The following MRE11 variants were observed in gnomAD, a reference collection of about 807,000 sequenced individuals.
MRE11 encodes the protein MRE11 double strand break repair nuclease.
MRE11 carries 62 observed loss-of-function variants against 91.7 expected under a neutral mutation model. The observed-to-expected ratio is 0.68, with a 90% CI of 0.55 to 0.84. The LOEUF (loss-of-function observed/expected upper bound fraction) is 0.84, where lower values mean the gene tolerates loss of function less well. Ranked by LOEUF, MRE11 falls within the 40% of genes least tolerant of loss-of-function variation. The probability of loss-of-function intolerance (pLI) is 0.00; values close to 1 mark genes in which losing one functional copy is unlikely to be tolerated. For missense variants in MRE11, 796 were observed against 852.9 expected (o/e 0.93, Z 0.83); for synonymous variants, 273 against 271.4 (o/e 1.01, Z -0.06).
At chr11:94,451,255 T>C (rs1036147730) in intron 14 of MRE11, among the ~76,000 whole-genome samples, 2 of 152,082 alleles carry the variant, frequency 1.3e-5, no homozygotes, top group Non-Finnish European at 2.9e-5. Flanking sequence ...CTAAATAATC[T>C]GGAAAATGAA....
intron 18 of MRE11, among the ~76,000 whole-genome samples, chr11:94,433,648 T>G (rs1414993119): frequency 6.6e-6 from 1 of 152,212 alleles, no homozygotes; most frequent in Non-Finnish European, 1.5e-5. Context: ...ACAAGATCTT[T>G]CACTTGGCTC....
chr11:94,497,990 A>G (rs1947440621), upstream of MRE11: 4 of 1,092,624 alleles, frequency 3.7e-6, no homozygotes, highest in East Asian at 9.8e-5. Context: ...ACTTAATTAA[A>G]TCTAACACCA....
Position 94,478,963 on chromosome 11 carries a change from C to T in MRE11, c.403-87G>A, listed in dbSNP as rs1042351289. 18 of 1,382,526 alleles carry T rather than the reference C, an allele frequency of 1.3e-5. No homozygotes were observed. The African/African-American group carries it at 2.0e-4, about 15-fold the overall frequency. The allele number at this position is 1,382,526 out of a possible 1,614,324, so 85.6% of individuals were successfully genotyped here. On this transcript the variant is annotated intron_variant, in intron 5 of 19. Transcript: ENST00000323929. ...TCGTATCACCTGTTAAAAGCATACT[C>T]CATATTCTACTTACAAAAACATAGA...
rs886048746 is a variant in MRE11, at chr11:94,417,805, A to G, written c.*2320T>C. 1.3e-5 allele frequency: 3 copies of G among 233,156 alleles called. No individual in the cohort carries two copies. Among genetic ancestry groups the G allele is most frequent in the Non-Finnish European group, 2.5e-5 (3 of 117,990 alleles). The allele number at this position is 233,156 out of a possible 1,614,324, so 14.4% of individuals were successfully genotyped here. A position where few individuals can be genotyped will look rare whatever the true frequency, so the allele number is the denominator to read the frequency against. Reference sequence around the variant, plus strand: ...GGAAAAAAGTCTTTTACATACCTGAATTAAAGGTCACATTCCTAAATGCTT... The same window carrying G: ...GGAAAAAAGTCTTTTACATACCTGAGTTAAAGGTCACATTCCTAAATGCTT... On this transcript the variant is annotated 3_prime_UTR_variant, in exon 20 of 20. Coordinates refer to ENST00000323929, the MANE Select transcript of MRE11 (RefSeq NM_005591.4).
intron 4 of MRE11, among the ~76,000 whole-genome samples, chr11:94,485,109 T>C (rs948970334): frequency 2.8e-4 from 42 of 149,700 alleles, no homozygotes; most frequent in Admixed American, 4.6e-4. Flanking sequence ...GCTACTCACC[T>C]GTAATCCCAA....
At chr11:94,493,038 G>T in intron 1 of MRE11, 132 bp from the exon 2 acceptor site, 1 of 560,080 alleles carries the variant, frequency 1.8e-6, no homozygotes, top group Non-Finnish European at 3.1e-6. Flanking sequence ...TTTCATCTAA[G>T]CACCCACTAT....
chr11:94,497,977 T>C (rs763127990), upstream of MRE11: 7 of 939,808 alleles, frequency 7.4e-6, no homozygotes, highest in Admixed American at 3.0e-5. Context: ...AAGTTTTTAT[T>C]CAACTTAATT....
intron 10 of MRE11, among the ~76,000 whole-genome samples, chr11:94,466,940 G>GTA (rs1946580645): frequency 6.6e-6 from 1 of 152,270 alleles, no homozygotes; most frequent in Non-Finnish European, 1.5e-5. Context: ...CATTAAAGCT[G>GTA]TATGCCTACA....
the MRE11 span, among the ~76,000 whole-genome samples, chr11:94,509,885 T>C: frequency 6.6e-6 from 1 of 152,272 alleles, no homozygotes; most frequent in Non-Finnish European, 1.5e-5. Flanking sequence ...GTGATGTATG[T>C]ATTATCCATT....
At chr11:94,496,119 T>G (rs533042690), upstream of MRE11, among the ~76,000 whole-genome samples, 1 of 151,924 alleles carries the variant, frequency 6.6e-6, no homozygotes, top group African/African-American at 2.4e-5. Context: ...TAAAGATATA[T>G]GTACCGATGA....
chr11:94,496,102 G>A (rs1947414421), upstream of MRE11, among the ~76,000 whole-genome samples: 1 of 151,254 alleles, frequency 6.6e-6, no homozygotes, highest in Admixed American at 6.6e-5. Flanking sequence ...TAGTGTAGAT[G>A]CTGTGATAAA....
rs1384416705 is a variant in MRE11 at position 94,416,002 on chromosome 11, G to C, written c.*4123C>G. 6.6e-6 allele frequency: 1 copy of C among 152,284 alleles called. No individual in the cohort carries two copies. Among genetic ancestry groups the C allele is most frequent in the Non-Finnish European group, 1.5e-5 (1 of 68,140 alleles). 9.4% of individuals were successfully genotyped at this position (152,284 alleles called of 1,614,324 possible). A position where few individuals can be genotyped will look rare whatever the true frequency, so the allele number is the denominator to read the frequency against. On this transcript the variant is annotated 3_prime_UTR_variant, in exon 20 of 20. Transcript: ENST00000323929. ...ATTTTTGTATTTTTAGTAGAGTCGG[G>C]GTTTCGCCATGTTGGCCCTGCTGGT... is the stretch of plus-strand genomic sequence containing the variant.
At chr11:94,503,634 TG>T in the MRE11 span, among the ~76,000 whole-genome samples, 2 of 150,934 alleles carry the variant, frequency 1.3e-5, no homozygotes, top group Non-Finnish European at 2.9e-5. Context: ...AGGCGGAGGC[TG>T]CAGTGAGCCA....
At chr11:94,508,007 T>C in the MRE11 span, among the ~76,000 whole-genome samples, 6 of 152,342 alleles carry the variant, frequency 3.9e-5, no homozygotes, top group South Asian at 1.0e-3. Context: ...TCTTGTGCTG[T>C]TGCCCAGGCT....
upstream of MRE11, chr11:94,496,587 T>C (rs1947421520): frequency 3.8e-6 from 4 of 1,042,134 alleles, no homozygotes; most frequent in Admixed American, 7.5e-5. Flanking sequence ...TAATAACTTT[T>C]GTATTTGTGT....
chr11:94,432,348 T>C (rs1238523782), intron 18 of MRE11, among the ~76,000 whole-genome samples: 1 of 151,142 alleles, frequency 6.6e-6, no homozygotes, highest in African/African-American at 2.4e-5. Flanking sequence ...CTCATGTCTT[T>C]ATTGTTTTTT....
intron 18 of MRE11, 30 bp from the exon 19 acceptor site, chr11:94,430,016 C>T (rs771931397): frequency 8.1e-6 from 13 of 1,606,182 alleles, no homozygotes; most frequent in South Asian, 4.4e-5. Context: ...AAAACAAACA[C>T]AATGAACTAC....
intron 3 of MRE11, 109 bp downstream of exon 3, chr11:94,490,724 G>T: frequency 7.9e-7 from 1 of 1,266,342 alleles, no homozygotes; most frequent in Non-Finnish European, 1.1e-6. Context: ...ATTCAAGCAG[G>T]CAAGGTAAGC....
At chr11:94,508,953 G>T in the MRE11 span, among the ~76,000 whole-genome samples, 1 of 151,884 alleles carries the variant, frequency 6.6e-6, no homozygotes, top group African/African-American at 2.4e-5. Context: ...GTAGAGACGG[G>T]GTTTCACCAT....
Sources: gnomAD v4.1 joint callset for allele counts (sites outside exome capture counted in the v4.1 genomes callset) on GRCh38, gnomAD v4.1.1 for gene constraint, MANE v1.5 for transcripts, NCBI Gene and HGNC (gene_info 2026-07-23, HGNC 2026-07-21) for gene names.